The following COLQ variants were observed in gnomAD, a reference collection of about 807,000 sequenced individuals.
COLQ encodes the protein acetylcholinesterase collagenic tail peptide.
COLQ carries 48 observed loss-of-function variants against 69.0 expected under a neutral mutation model. That is an observed-to-expected ratio of 0.70 (90% confidence interval 0.55 to 0.88). COLQ has a LOEUF of 0.88. Ranked by LOEUF, COLQ falls within the 40% of genes least tolerant of loss-of-function variation. The pLI, the probability that COLQ is intolerant of heterozygous loss-of-function variation, is 0.00. For missense variants in COLQ, 618 were observed against 594.6 expected (o/e 1.04, Z -0.41); for synonymous variants, 217 against 211.2 (o/e 1.03, Z -0.24).
At chr3:15,452,650 G>C (rs2061965574) in intron 16 of COLQ, among the ~76,000 whole-genome samples, 1 of 152,144 alleles carries the variant, frequency 6.6e-6, no homozygotes, top group Non-Finnish European at 1.5e-5. Context: ...GCCATGAAGA[G>C]CCAACTCTCT....
At chr3:15,475,152 T>A (rs1433731782) in intron 7 of COLQ, 1 of 682,648 alleles carries the variant, frequency 1.5e-6, no homozygotes, top group South Asian at 1.8e-5. Context: ...ATTGCTTTTA[T>A]CACTCTGCAA....
Position 15,473,299 on chromosome 3 carries a change from G to C in COLQ, c.636+701C>G, listed in dbSNP as rs189241915. 2.0e-5 allele frequency among the ~76,000 whole-genome samples: 3 copies of C among 151,932 alleles called. No individual in the cohort carries two copies. Among genetic ancestry groups the C allele is most frequent in the Non-Finnish European group, 4.4e-5 (3 of 67,994 alleles). On this transcript the variant is annotated intron_variant, in intron 10 of 16. Coordinates refer to ENST00000383788, the MANE Select transcript of COLQ (RefSeq NM_005677.4). The surrounding 1 kb of genome is among the most constrained non-coding windows in gnomAD (Gnocchi z 4.0). ...CCTAAGTATCTGGCACTACAGGTGC[G>C]AACTACCATGCCCAGCTAATGTTTT...
intron 1 of COLQ, among the ~76,000 whole-genome samples, chr3:15,498,326 C>T (rs1417361215): frequency 1.3e-5 from 2 of 152,084 alleles, no homozygotes; most frequent in Non-Finnish European, 2.9e-5. Context: ...ACTGGCTGAG[C>T]AGTTTAAAAT....
intron 1 of COLQ, among the ~76,000 whole-genome samples, chr3:15,492,357 A>G (rs1393873268): frequency 2.0e-5 from 3 of 152,200 alleles, no homozygotes; most frequent in Non-Finnish European, 4.4e-5. Flanking sequence ...AATTTATATT[A>G]TAACAGTGCT....
At chr3:15,461,416 G>A (rs2062112258) in intron 12 of COLQ, among the ~76,000 whole-genome samples, 1 of 152,118 alleles carries the variant, frequency 6.6e-6, no homozygotes. Context: ...TTTTCTGCCA[G>A]GCTATACTAA....
intron 1 of COLQ, among the ~76,000 whole-genome samples, chr3:15,513,547 C>T (rs893733847): frequency 6.6e-6 from 1 of 152,210 alleles, no homozygotes; most frequent in African/African-American, 2.4e-5. Context: ...AATTGAGCCC[C>T]AGTTGCTCAT....
chr3:15,462,029 A>G (rs574378349), intron 12 of COLQ, among the ~76,000 whole-genome samples: 1,753 of 145,806 alleles, frequency 0.012, 35 homozygotes, highest in African/African-American at 0.046. Context: ...TTATTTATTT[A>G]TTTATTTATT....
intron 13 of COLQ, among the ~76,000 whole-genome samples, chr3:15,456,814 TTTTTTTTC>T (rs1300727923): frequency 8.2e-6 from 1 of 122,274 alleles, no homozygotes; most frequent in South Asian, 2.7e-4. Context: ...CGGATTTAAC[TTTTTTTTC>T]TTTTTTTCTT....
chr3:15,517,455 C>T (rs1289309779), intron 1 of COLQ, among the ~76,000 whole-genome samples: 1 of 152,122 alleles, frequency 6.6e-6, no homozygotes, highest in Non-Finnish European at 1.5e-5. Flanking sequence ...GCCTGCCCTC[C>T]GGTAAATATC....
Position 15,521,593 on chromosome 3 carries a change from A to C in COLQ, c.33T>G (p.Ile11Met). ...TAGAGAGGAAGAAAAGCTGAAGATA[A>C]ATTCCCAAAGTCATTGGATTCAGGA... MVVLNPMTLGIYLQLFFLSIV... is the reference protein window; with the variant it reads MVVLNPMTLGMYLQLFFLSIV... The change falls in exon 1 of 17, where the codon ATT becomes ATG. Residue 11 changes from isoleucine to methionine, a missense_variant. Ile to Met is a conservative substitution (Grantham distance 10, BLOSUM62 1). Coordinates refer to ENST00000383788, the MANE Select transcript of COLQ (RefSeq NM_005677.4). 3.7e-6 allele frequency: 6 copies of C among 1,614,192 alleles called. No homozygotes were observed. The highest frequency in any genetic ancestry group is 5.1e-6 in the Non-Finnish European group (6 of 1,180,034).
At chr3:15,502,703 C>G (rs2125165365) in intron 1 of COLQ, among the ~76,000 whole-genome samples, 1 of 152,234 alleles carries the variant, frequency 6.6e-6, no homozygotes, top group Non-Finnish European at 1.5e-5. Context: ...TGTGAGCCAC[C>G]ACGCCCGGCC....
intron 10 of COLQ, 76 bp from the exon 11 acceptor site, chr3:15,470,692 C>T (rs775510566): frequency 6.7e-6 from 9 of 1,350,756 alleles, no homozygotes; most frequent in Non-Finnish European, 8.5e-6. Flanking sequence ...TCTAGCCAGT[C>T]ATTGGCTACG....
At chr3:15,471,321 T>C (rs1355733530) in intron 10 of COLQ, among the ~76,000 whole-genome samples, 3 of 152,248 alleles carry the variant, frequency 2.0e-5, no homozygotes, top group Non-Finnish European at 4.4e-5. Flanking sequence ...AGCTCTATGT[T>C]GAACTATCAA....
chr3:15,475,552 C>CA, intron 6 of COLQ, 65 bp from the exon 7 acceptor site: 2 of 1,468,592 alleles, frequency 1.4e-6, no homozygotes, highest in Non-Finnish European at 1.9e-6. Context: ...ACCAGGAAGT[C>CA]ACAGGCAAGA....
At chr3:15,500,408 G>T (rs985227947) in intron 1 of COLQ, among the ~76,000 whole-genome samples, 5 of 152,204 alleles carry the variant, frequency 3.3e-5, no homozygotes, top group African/African-American at 1.2e-4. Context: ...AACCTTCAGA[G>T]ATGGAAGTTT....
At chr3:15,474,340 C>T in intron 8 of COLQ, 68 bp from the exon 9 acceptor site, 2 of 1,525,522 alleles carry the variant, frequency 1.3e-6, no homozygotes, top group African/African-American at 1.4e-5. Flanking sequence ...GCATTTCAAA[C>T]TGAAAAGCTC....
chr3:15,488,328 G>C lies in COLQ; in HGVS notation c.220-21C>G, dbSNP rs1379919319. The C allele has an allele frequency of 2.5e-6, 4 of 1,603,142 alleles. No homozygotes were observed. In the Admixed American group the frequency reaches 6.7e-5, roughly 27 times the overall value. Reference sequence around the variant, plus strand: ...AGAAGCTTCAGTACAAAGCAACACAGAGTTAGAGGTCAGGCGTAGGGGACA... The same window carrying C: ...AGAAGCTTCAGTACAAAGCAACACACAGTTAGAGGTCAGGCGTAGGGGACA... On this transcript the variant is annotated intron_variant, in intron 2 of 16. Coordinates refer to ENST00000383788, the MANE Select transcript of COLQ (RefSeq NM_005677.4).
intron 11 of COLQ, among the ~76,000 whole-genome samples, chr3:15,470,331 T>A (rs1007756516): frequency 2.8e-4 from 43 of 152,182 alleles, no homozygotes; most frequent in African/African-American, 8.4e-4. Flanking sequence ...ACATGGAGCA[T>A]CCTATCCCAT....
intron 15 of COLQ, among the ~76,000 whole-genome samples, chr3:15,454,253 T>G (rs562967029): frequency 6.6e-6 from 1 of 151,520 alleles, no homozygotes; most frequent in South Asian, 2.1e-4. Flanking sequence ...AGTGTGGGGG[T>G]CCCGGGAGTG....
Sources: gnomAD v4.1 joint callset for allele counts (sites outside exome capture counted in the v4.1 genomes callset) on GRCh38, gnomAD v4.1.1 for gene constraint, Gnocchi (gnomAD v3.1) non-coding constraint, MANE v1.5 for transcripts, NCBI Gene and HGNC (gene_info 2026-07-23, HGNC 2026-07-21) for gene names.